The following ACE variants were observed in gnomAD, a reference collection of about 807,000 sequenced individuals.
ACE encodes angiotensin I converting enzyme.
Under a neutral mutation model 162.3 loss-of-function variants are expected in ACE, and 122 were observed. The ratio of observed to expected loss-of-function variants is 0.75; its 90% confidence interval spans 0.65 to 0.87. The LOEUF is 0.87. Ranked by LOEUF, ACE falls within the 40% of genes least tolerant of loss-of-function variation. The pLI, the probability that ACE is intolerant of heterozygous loss-of-function variation, is 0.00. For synonymous variants in ACE, 796 were observed against 720.6 expected, an observed-to-expected ratio of 1.10 and a Z score of -1.68; for missense variants, 1,799 against 1,735.1, an observed-to-expected ratio of 1.04 and a Z score of -0.65.
chr17:63,486,395 A>G (rs1321139384), intron 13 of ACE, 162 bp from the exon 14 acceptor site: 6 of 754,236 alleles, frequency 8.0e-6, no homozygotes, highest in Non-Finnish European at 1.4e-5. Flanking sequence ...CCAGGACGTT[A>G]TCAGCGTCCA....
intron 14 of ACE, 76 bp from the exon 15 acceptor site, chr17:63,486,910 G>T (rs2029986343): frequency 6.6e-7 from 1 of 1,509,502 alleles, no homozygotes; most frequent in African/African-American, 1.4e-5. Context: ...CAGCCCATGG[G>T]GCCTGGGGGT....
rs531535416 is a variant in ACE, at chr17:63,487,130, C to T, written c.2305+57C>T. Reference sequence around the variant, plus strand: ...CGAGGGCTGGGACTGGCATGGGGCCCGGGGGTGCTGGGTGAGAGCACAGAG... The same window carrying T: ...CGAGGGCTGGGACTGGCATGGGGCCTGGGGGTGCTGGGTGAGAGCACAGAG... On this transcript the variant is annotated intron_variant, in intron 15 of 24. Transcript: ENST00000290866. The T allele has an allele frequency of 4.7e-5, 70 of 1,487,812 alleles. No homozygotes were observed. The Admixed American group carries it at 6.5e-4, about 14-fold the overall frequency. The allele number at this position is 1,487,812 out of a possible 1,614,324, so 92.2% of individuals were successfully genotyped here. A position where few individuals can be genotyped will look rare whatever the true frequency, so the allele number is the denominator to read the frequency against.
In ACE at chr17:63,496,948, G is replaced by A; in HGVS notation, c.3654G>A (p.Lys1218=). 2 of 1,612,952 alleles carry A rather than the reference G, an allele frequency of 1.2e-6. No individual in the cohort carries two copies. Among genetic ancestry groups the A allele is most frequent in the Non-Finnish European group, 8.5e-7 (1 of 1,179,930 alleles). Residue 1218 remains lysine (K), a synonymous_variant, in exon 24 of 25, where the codon AAG becomes AAA. Transcript: ENST00000290866. ...LRTENELHGE[K]LGWPQYNWTP... ...CGGAGAACGAGCTGCATGGGGAGAA[G>A]CTGGGCTGGCCGCAGTACAACTGGA...
chr17:63,492,744 G>A (rs1458580461), intron 19 of ACE, among the ~76,000 whole-genome samples: 4 of 152,240 alleles, frequency 2.6e-5, no homozygotes, highest in African/African-American at 4.8e-5. Flanking sequence ...AGGAAGGGCT[G>A]GGTGCGGTGG....
Position 63,481,664 on chromosome 17 carries a change from G to A in ACE, c.1044G>A (p.Leu348=). 2 of 1,614,104 alleles carry A rather than the reference G, an allele frequency of 1.2e-6. No homozygotes were observed. The highest frequency in any genetic ancestry group is 1.1e-5 in the South Asian group (1 of 91,084). The change falls in exon 7 of 25, where the codon CTG becomes CTA. Residue 348 remains leucine, a synonymous_variant. Coordinates refer to ENST00000290866, the MANE Select transcript of ACE (RefSeq NM_000789.4). ...MPPEFWEGSM[L]EKPADGREVV... is the part of the protein sequence containing the mutation. ...CCGAGTTCTGGGAAGGGTCGATGCTGGAGAAGCCGGCCGACGGGCGGGAAG... is the reference window on the plus strand; with the variant it reads ...CCGAGTTCTGGGAAGGGTCGATGCTAGAGAAGCCGGCCGACGGGCGGGAAG...
Position 63,483,873 on chromosome 17 carries a change from G to T in ACE, c.1611G>T (p.Gln537His), listed in dbSNP as rs868856670. The change falls in exon 11 of 25, where the codon CAG (glutamine) becomes CAT (histidine). Residue 537 changes from glutamine to histidine, a missense_variant. Transcript: ENST00000290866. The part of the protein sequence containing the change: ...YIRYFVSFVL[Q>H]FQFHEALCKE... ...GGTACTTTGTGAGTTTTGTCCTGCAGTTCCAGTTCCATGAAGCCCTGTGCA... is the reference window on the plus strand; with the variant it reads ...GGTACTTTGTGAGTTTTGTCCTGCATTTCCAGTTCCATGAAGCCCTGTGCA... 1.2e-6 allele frequency: 2 copies of T among 1,614,154 alleles called. No homozygotes were observed. Among genetic ancestry groups the T allele is most frequent in the African/African-American group, 1.3e-5 (1 of 75,062 alleles).
rs1488331662 is a variant in ACE, at chr17:63,486,667, G to C, written c.2169G>C (p.Lys723Asn). The C allele has an allele frequency of 6.2e-7, 1 of 1,614,236 alleles. No individual in the cohort carries two copies. Among genetic ancestry groups the C allele is most frequent in the Admixed American group, 1.7e-5 (1 of 60,028 alleles). Residue 723 changes from lysine to asparagine, a missense_variant, in exon 14 of 25, where the codon AAG becomes AAC. Transcript: ENST00000290866. ...CCACTATCAAGCGGATCATAAAGAA[G>C]GTTCAGGACCTAGAACGGGCAGCAC... ...QNTTIKRIIK[K>N]VQDLERAALP... is the part of the protein sequence containing the mutation.
Position 63,497,791 on chromosome 17 carries a change from C to T in ACE, c.*425C>T, listed in dbSNP as rs2030865619. On this transcript the variant is annotated 3_prime_UTR_variant, in exon 25 of 25. Coordinates refer to ENST00000290866, the MANE Select transcript of ACE (RefSeq NM_000789.4). ...ACCTCCTGGCGCTGGCGCCTGTCTT[C>T]CCTCCAGCCCAGGCAGCCCGCCACT... 2 of 367,576 alleles carry T rather than the reference C, an allele frequency of 5.4e-6. No individual in the cohort carries two copies. Among genetic ancestry groups the T allele is most frequent in the Admixed American group, 4.1e-5 (1 of 24,650 alleles). The allele number at this position is 367,576 out of a possible 1,614,324, so 22.8% of individuals were successfully genotyped here.
At chr17:63,485,470 T>A in intron 13 of ACE, 98 bp downstream of exon 13, 1 of 1,542,070 alleles carries the variant, frequency 6.5e-7, no homozygotes, top group South Asian at 1.1e-5. Flanking sequence ...ACATTTTAAA[T>A]TGAATATTTA....
chr17:63,478,538 C>G, intron 2 of ACE: 1 of 317,280 alleles, frequency 3.2e-6, no homozygotes, highest in Non-Finnish European at 6.1e-6. Flanking sequence ...GTGCGTGCAC[C>G]TACAGTCCCA....
At chr17:63,495,813 C>G (rs980996401) in intron 22 of ACE, among the ~76,000 whole-genome samples, 1 of 152,204 alleles carries the variant, frequency 6.6e-6, no homozygotes, top group African/African-American at 2.4e-5. Flanking sequence ...TAGGAAAGAC[C>G]AGGGAACTAG....
In ACE at chr17:63,483,448, A is replaced by G. The variant is rs757665345; in HGVS notation, c.1488-12A>G. ...CTCTAGGCCCTAAGACAATTTAACC[A>G]TCCTTTTCCAGAACCAAGTATCAGG... On this transcript the variant is annotated splice_polypyrimidine_tract_variant and intron_variant, in intron 9 of 24. Transcript: ENST00000290866. The G allele has an allele frequency of 6.2e-7, 1 of 1,610,814 alleles. No individual in the cohort carries two copies. The highest frequency in any genetic ancestry group is 8.5e-7 in the Non-Finnish European group (1 of 1,177,078).
At position 63,491,918 on chromosome 17, in the gene ACE, A is replaced by T. The variant is rs1326032798; in HGVS notation, c.2912+537A>T. On this transcript the variant is annotated intron_variant, in intron 19 of 24. Coordinates refer to ENST00000290866, the MANE Select transcript of ACE (RefSeq NM_000789.4). This position sits in a 1 kb window ranked among gnomAD's most constrained non-coding sequence, Gnocchi z 4.4. ...TATGTGCCAGGAATTCAGGCAGTAC[A>T]CAGTGGAAATGGCCTTTCTCTACAG... is the stretch of plus-strand genomic sequence containing the variant. Among the ~76,000 whole-genome samples the T allele has an allele frequency of 6.6e-6, 1 of 152,216 alleles. No individual in the cohort carries two copies.
At chr17:63,481,331 G>A (rs575453788) in intron 6 of ACE, 143 bp downstream of exon 6, 15 of 920,520 alleles carry the variant, frequency 1.6e-5, no homozygotes, top group Admixed American at 1.2e-4. Context: ...AGCTGGGGTC[G>A]GCCCCCTCAG....
chr17:63,497,382 T>A lies in ACE; in HGVS notation c.*16T>A. 6.5e-7 allele frequency: 1 copy of A among 1,544,844 alleles called. No individual in the cohort carries two copies. Among genetic ancestry groups the A allele is most frequent in the Non-Finnish European group, 8.7e-7 (1 of 1,145,414 alleles). On this transcript the variant is annotated 3_prime_UTR_variant, in exon 25 of 25. Coordinates refer to ENST00000290866, the MANE Select transcript of ACE (RefSeq NM_000789.4). Reference sequence around the variant, plus strand: ...ACACTCCTGAGGTGACCCGGCTGGGTCGGCCCTGCCCAAGGGCCTCCCACC... The same window carrying A: ...ACACTCCTGAGGTGACCCGGCTGGGACGGCCCTGCCCAAGGGCCTCCCACC...
Position 63,494,362 on chromosome 17 carries a change from C to T in ACE, c.3282-10C>T, listed in dbSNP as rs751792834. On this transcript the variant is annotated splice_polypyrimidine_tract_variant and intron_variant, in intron 21 of 24. Transcript: ENST00000290866. ...AAACTCATCTTCCAACATATATTCC[C>T]ACTCGACAGGCTGAAGTACCAGGGC... 9 of 1,612,722 alleles carry T rather than the reference C, an allele frequency of 5.6e-6. No homozygotes were observed. In the East Asian group the frequency reaches 1.8e-4, roughly 32 times the overall value.
Position 63,485,389 on chromosome 17 carries a change from C to G in ACE, c.2058+17C>G. The G allele has an allele frequency of 1.9e-6, 3 of 1,613,678 alleles. No homozygotes were observed. Among genetic ancestry groups the G allele is most frequent in the Non-Finnish European group, 2.5e-6 (3 of 1,179,850 alleles). On this transcript the variant is annotated intron_variant, in intron 13 of 24. Transcript: ENST00000290866. The stretch of plus-strand genomic sequence containing the variant: ...AAGATTCTGGTGGGAGCCACCTCCC[C>G]ACCCCCAAACCTGAGCATGTGCATA...
chr17:63,489,698 T>C (rs943216929), intron 17 of ACE, among the ~76,000 whole-genome samples: 1 of 151,940 alleles, frequency 6.6e-6, no homozygotes, highest in Non-Finnish European at 1.5e-5. Flanking sequence ...TGGTAGGGAG[T>C]AAGGCAAAGC....
chr17:63,497,599 A>G lies in ACE; in HGVS notation c.*233A>G, dbSNP rs756600696. The stretch of plus-strand genomic sequence containing the variant: ...CTCTCCAAGTCTCTCTGTGAATACA[A>G]TTAAAGGTCCTGCCCTCCCCATCTG... On this transcript the variant is annotated 3_prime_UTR_variant, in exon 25 of 25. Transcript: ENST00000290866. 5.7e-6 allele frequency: 4 copies of G among 699,014 alleles called. No homozygotes were observed. Among genetic ancestry groups the G allele is most frequent in the African/African-American group, 3.5e-5 (2 of 57,154 alleles). The allele number at this position is 699,014 out of a possible 1,614,324, so 43.3% of individuals were successfully genotyped here. A position where few individuals can be genotyped will look rare whatever the true frequency, so the allele number is the denominator to read the frequency against.
Sources: allele counts gnomAD v4.1 joint callset (sites outside exome capture counted in the v4.1 genomes callset), GRCh38; gene constraint gnomAD v4.1.1; non-coding constraint Gnocchi (gnomAD v3.1); transcripts MANE v1.5; gene names NCBI Gene and HGNC (gene_info 2026-07-23, HGNC 2026-07-21).